Variants in CADM2 observed in about 807,000 individuals in gnomAD.
CADM2 encodes the protein cell adhesion molecule 2, also known as immunoglobulin superfamily member 4D.
Under a neutral mutation model 49.8 loss-of-function variants are expected in CADM2, and 12 were observed. That is an observed-to-expected ratio of 0.24 (90% CI 0.15 to 0.39). The LOEUF (loss-of-function observed/expected upper bound fraction) is 0.39, where lower values mean the gene tolerates loss of function less well. Ranked by LOEUF, CADM2 falls within the 10% of genes least tolerant of loss-of-function variation. The probability of loss-of-function intolerance (pLI) is 1.00; values close to 1 mark genes in which losing one functional copy is unlikely to be tolerated. For synonymous variants in CADM2, 214 were observed against 175.4 expected (o/e 1.22, Z -1.74); for missense variants, 378 against 492.3 (o/e 0.77, Z 2.20).
intron 1 of CADM2, among the ~76,000 whole-genome samples, chr3:85,156,470 T>G (rs1323227119): frequency 2.0e-5 from 3 of 152,154 alleles, no homozygotes; most frequent in Non-Finnish European, 4.4e-5. Context: ...TCTGAAATTA[T>G]TGGCAATAAT....
intron 1 of CADM2, among the ~76,000 whole-genome samples, chr3:85,687,474 T>C (rs2066251083): frequency 6.6e-6 from 1 of 152,090 alleles, no homozygotes; most frequent in African/African-American, 2.4e-5. Flanking sequence ...AAAAATATGA[T>C]AGAATGAATT....
chr3:85,643,242 A>C (rs1202447558), intron 1 of CADM2, among the ~76,000 whole-genome samples: 1 of 152,138 alleles, frequency 6.6e-6, no homozygotes, highest in East Asian at 1.9e-4. Context: ...AATTGTATAA[A>C]ACTGGCTTGC....
chr3:85,712,973 A>G (rs538132629), intron 1 of CADM2, among the ~76,000 whole-genome samples: 3 of 152,170 alleles, frequency 2.0e-5, no homozygotes, highest in South Asian at 2.1e-4. Context: ...GAGAAATGTC[A>G]TGTATACTGC....
intron 1 of CADM2, among the ~76,000 whole-genome samples, chr3:85,491,328 T>A (rs1275099832): frequency 3.3e-5 from 5 of 152,080 alleles, no homozygotes; most frequent in African/African-American, 1.2e-4. Flanking sequence ...TAAGACAAAA[T>A]AGAAAAAAAT....
At chr3:85,013,327 T>G (rs1176460562) in intron 1 of CADM2, among the ~76,000 whole-genome samples, 2 of 151,974 alleles carry the variant, frequency 1.3e-5, no homozygotes, top group Non-Finnish European at 2.9e-5. Context: ...GAAAATTATT[T>G]ATTTCTGATC....
chr3:85,916,295 A>G (rs1006292506), intron 6 of CADM2, among the ~76,000 whole-genome samples: 3 of 150,858 alleles, frequency 2.0e-5, no homozygotes, highest in Non-Finnish European at 4.4e-5. Context: ...AGCGTTAGGT[A>G]TATCTCCTAA....
chr3:85,383,257 C>G (rs918039614), intron 1 of CADM2, among the ~76,000 whole-genome samples: 5 of 152,008 alleles, frequency 3.3e-5, no homozygotes, highest in Admixed American at 3.3e-4. Context: ...TGGAGACTGC[C>G]TGATTCGTGA....
chr3:85,208,239 T>A (rs1017510073), intron 1 of CADM2, among the ~76,000 whole-genome samples: 1 of 152,134 alleles, frequency 6.6e-6, no homozygotes, highest in African/African-American at 2.4e-5. Context: ...AAACCCAAAT[T>A]TAATTTGAAG....
intron 7 of CADM2, among the ~76,000 whole-genome samples, chr3:85,944,254 G>A (rs1459330872): frequency 6.6e-6 from 1 of 152,038 alleles, no homozygotes; most frequent in Non-Finnish European, 1.5e-5. Context: ...CAATACAGGA[G>A]CACCCAGATT....
At chr3:85,040,211 T>C (rs1167406594) in intron 1 of CADM2, among the ~76,000 whole-genome samples, 1 of 152,166 alleles carries the variant, frequency 6.6e-6, no homozygotes, top group Admixed American at 6.5e-5. Context: ...AAACATTGAC[T>C]CTAGATTTGA....
At chr3:86,017,805 T>A (rs1403997648) in intron 8 of CADM2, among the ~76,000 whole-genome samples, 1 of 150,658 alleles carries the variant, frequency 6.6e-6, no homozygotes, top group East Asian at 1.9e-4. Context: ...TTAGGAAAAA[T>A]TATGTTATGT....
intron 1 of CADM2, among the ~76,000 whole-genome samples, chr3:85,568,612 C>CTT (rs1234630468): frequency 2.7e-5 from 3 of 111,066 alleles, no homozygotes; most frequent in African/African-American, 3.8e-5. Flanking sequence ...TCCTCTCTTT[C>CTT]TTTTTTTTTT....
intron 1 of CADM2, among the ~76,000 whole-genome samples, chr3:85,530,383 T>A (rs1267904446): frequency 7.3e-6 from 1 of 137,408 alleles, no homozygotes; most frequent in Non-Finnish European, 1.5e-5. Flanking sequence ...CAGGCTGGAG[T>A]GCAGTGGCGC....
intron 8 of CADM2, among the ~76,000 whole-genome samples, chr3:86,064,636 C>T (rs1467670249): frequency 6.6e-6 from 1 of 152,110 alleles, no homozygotes; most frequent in Admixed American, 6.6e-5. Flanking sequence ...GCCACACTGT[C>T]TTCCACAATG....
intron 1 of CADM2, among the ~76,000 whole-genome samples, chr3:85,425,494 G>A (rs946087000): frequency 1.3e-5 from 2 of 152,100 alleles, no homozygotes; most frequent in African/African-American, 2.4e-5. Context: ...TATCTATTTT[G>A]TGTGTGTTTG....
chr3:85,322,250 A>C (rs818215), intron 1 of CADM2, among the ~76,000 whole-genome samples: 85,854 of 152,026 alleles, frequency 0.56, 25,488 homozygotes, highest in African/African-American at 0.76. Flanking sequence ...GCTTTGCTTA[A>C]TTCTTGTTGT....
intron 2 of CADM2, among the ~76,000 whole-genome samples, chr3:85,760,507 C>T (rs935018371): frequency 6.6e-6 from 1 of 152,106 alleles, no homozygotes; most frequent in African/African-American, 2.4e-5. Flanking sequence ...AACTCATCGA[C>T]ATGAACTTTA....
chr3:85,663,104 A>G (rs1263309532), intron 1 of CADM2, among the ~76,000 whole-genome samples: 1 of 152,056 alleles, frequency 6.6e-6, no homozygotes, highest in Non-Finnish European at 1.5e-5. Context: ...ATGAATTAGA[A>G]TCCAGAGACC....
At chr3:85,506,547 C>T (rs2040359535) in intron 1 of CADM2, among the ~76,000 whole-genome samples, 1 of 152,006 alleles carries the variant, frequency 6.6e-6, no homozygotes, top group Non-Finnish European at 1.5e-5. Flanking sequence ...ATTTTAATTA[C>T]ACAAAAGTCT....
Sources: gnomAD v4.1 joint callset for allele counts (sites outside exome capture counted in the v4.1 genomes callset) on GRCh38, gnomAD v4.1.1 for gene constraint, MANE v1.5 for transcripts, NCBI Gene and HGNC (gene_info 2026-07-23, HGNC 2026-07-21) for gene names.